Variants in CLK3 observed in about 807,000 individuals in gnomAD.
The protein encoded by CLK3 is CDC like kinase 3, also known as dual specificity protein kinase CLK3.
CLK3 carries 24 observed loss-of-function variants against 65.2 expected under a neutral mutation model. The ratio of observed to expected loss-of-function variants is 0.37; its 90% CI spans 0.27 to 0.52. CLK3 has a LOEUF of 0.52. Ranked by LOEUF, CLK3 falls within the 20% of genes least tolerant of loss-of-function variation. The pLI is 0.92. For synonymous variants in CLK3, 252 were observed against 240.8 expected (o/e 1.05, Z -0.43); for missense variants, 506 against 660.0 (o/e 0.77, Z 2.56).
intron 1 of CLK3, 73 bp downstream of exon 1, chr15:74,615,971 G>A (rs1486628117): frequency 1.4e-5 from 15 of 1,108,398 alleles, no homozygotes; most frequent in African/African-American, 1.6e-5. Context: ...GGGCAGGCGC[G>A]CTGGTGCCAT....
chr15:74,609,144 A>C (rs970813844), intron 1 of CLK3, among the ~76,000 whole-genome samples: 5 of 152,026 alleles, frequency 3.3e-5, no homozygotes, highest in Admixed American at 2.6e-4. Flanking sequence ...GGAGATCCCC[A>C]CCCCACCGAG....
chr15:74,627,848 G>C lies in CLK3; in HGVS notation c.1043-122G>C. The stretch of plus-strand genomic sequence containing the variant: ...TGGCTTTATCTGTCAGCCTTACTGA[G>C]AGAGGGCCTCGTACTGGGATTTGGG... On this transcript the variant is annotated intron_variant, in intron 9 of 12. Coordinates refer to ENST00000395066, the MANE Select transcript of CLK3 (RefSeq NM_001130028.2). This position sits in a 1 kb window ranked among gnomAD's most constrained non-coding sequence, Gnocchi z 4.3. The C allele has an allele frequency of 3.4e-6, 4 of 1,174,574 alleles. No homozygotes were observed. The highest frequency in any genetic ancestry group is 2.6e-5 in the South Asian group (2 of 75,608). 72.8% of individuals were successfully genotyped at this position (1,174,574 alleles called of 1,614,324 possible).
At chr15:74,616,072 G>A in intron 1 of CLK3, 174 bp downstream of exon 1, 1 of 489,736 alleles carries the variant, frequency 2.0e-6, no homozygotes, top group Non-Finnish European at 3.2e-6. Context: ...GCCCCGGAGG[G>A]CGGTCACTGC....
In CLK3 at chr15:74,628,606, C is replaced by G; in HGVS notation, c.1128C>G (p.Thr376=). 1 of 1,612,892 alleles carries G rather than the reference C, an allele frequency of 6.2e-7. No individual in the cohort carries two copies. The highest frequency in any genetic ancestry group is 1.1e-5 in the South Asian group (1 of 91,012). ...GCACTGTCCCTAATCTTCCACAGAC[C>G]CACGAAAACCGAGAGCACCTGGTGA... ...EYYRGFTLFQ[T]HENREHLVMM... Residue 376 remains threonine (T), a splice_region_variant and synonymous_variant, in exon 11 of 13, where the codon ACC becomes ACG. Transcript: ENST00000395066.
chr15:74,629,632 C>T (rs1172579998), intron 12 of CLK3, 75 bp from the exon 13 acceptor site: 7 of 1,345,586 alleles, frequency 5.2e-6, no homozygotes, highest in Non-Finnish European at 7.3e-6. Context: ...AGCAAGGCGT[C>T]CCAGAGGCAA....
Position 74,624,908 on chromosome 15 carries a change from G to C in CLK3, c.540G>C (p.Lys180Asn). The change falls in exon 6 of 13, where the codon AAG becomes AAC. Residue 180 changes from lysine (K) to asparagine (N), a missense_variant. Coordinates refer to ENST00000395066, the MANE Select transcript of CLK3 (RefSeq NM_001130028.2). The surrounding 1 kb of genome is among the most constrained non-coding windows in gnomAD (Gnocchi z 4.2). Reference sequence around the variant, plus strand: ...TTTCCTTCCCGGGTACCAGAGGGAAGTCTCAGGTTGCCCTGAAGATCATCC... The same window carrying C: ...TTTCCTTCCCGGGTACCAGAGGGAACTCTCAGGTTGCCCTGAAGATCATCC... ...VVECLDHARG[K>N]SQVALKIIRN... 1 of 1,603,804 alleles carries C rather than the reference G, an allele frequency of 6.2e-7. No individual in the cohort carries two copies. Among genetic ancestry groups the C allele is most frequent in the African/African-American group, 1.3e-5 (1 of 74,952 alleles).
At chr15:74,616,037 C>T (rs1567141480) in intron 1 of CLK3, 139 bp downstream of exon 1, 2 of 623,576 alleles carry the variant, frequency 3.2e-6, no homozygotes, top group African/African-American at 1.9e-5. Context: ...GGGCCGCGAC[C>T]TCTCACCCCT....
chr15:74,628,286 G>A (rs1440539644), intron 10 of CLK3, among the ~76,000 whole-genome samples: 2 of 151,322 alleles, frequency 1.3e-5, no homozygotes, highest in African/African-American at 4.9e-5. Flanking sequence ...TGGAGGATGG[G>A]GTAGGAGGTG....
rs1567143533 is a variant in CLK3 at position 74,622,398 on chromosome 15, CT to C, written c.467-90del. ...AAGAGTGTAGCAGTGAGAGAGAAAC[CT>C]TTTTTGTTTTTGAGAATTTGAATGC... On this transcript the variant is annotated intron_variant, in intron 4 of 12. Transcript: ENST00000395066. The surrounding 1 kb of genome is among the most constrained non-coding windows in gnomAD (Gnocchi z 4.6). 2 of 1,138,688 alleles carry C rather than the reference CT, an allele frequency of 1.8e-6. No homozygotes were observed. Among genetic ancestry groups the C allele is most frequent in the Non-Finnish European group, 1.3e-6 (1 of 779,916 alleles). 70.5% of individuals were successfully genotyped at this position (1,138,688 alleles called of 1,614,324 possible). A position where few individuals can be genotyped will look rare whatever the true frequency, so the allele number is the denominator to read the frequency against.
intron 1 of CLK3, 112 bp from the exon 2 acceptor site, chr15:74,619,085 C>T: frequency 2.2e-6 from 3 of 1,356,036 alleles, no homozygotes; most frequent in Non-Finnish European, 1.0e-6. Context: ...GAGGGGCCGC[C>T]TTCAAACAGA....
At chr15:74,620,284 T>C (rs1189419135) in intron 3 of CLK3, 59 bp downstream of exon 3, 1 of 1,599,556 alleles carries the variant, frequency 6.3e-7, no homozygotes, top group East Asian at 2.2e-5. Context: ...TTCCTAGCCT[T>C]CTCTCAGGCT....
rs987216921 is a variant in CLK3, at chr15:74,615,854, C to T, written c.-45C>T. On this transcript the variant is annotated 5_prime_UTR_variant, in exon 1 of 13. Transcript: ENST00000395066. ...CGCAGCCGGAAGCGGAAGAGGCGCT[C>T]GGAGCGGGGAGTGGGGCCTAGCTGC... The T allele has an allele frequency of 1.9e-5, 24 of 1,254,804 alleles. No homozygotes were observed. Among genetic ancestry groups the T allele is most frequent in the South Asian group, 3.2e-5 (1 of 30,984 alleles). 77.7% of individuals were successfully genotyped at this position (1,254,804 alleles called of 1,614,324 possible).
Position 74,620,317 on chromosome 15 carries a change from C to T in CLK3, c.369+92C>T, listed in dbSNP as rs1395034675. ...GCTGGCTGGTCCGGGTGAGTACTGC[C>T]AGCCCTGTGCACGTGCACTGGTGTG... On this transcript the variant is annotated intron_variant, in intron 3 of 12. Coordinates refer to ENST00000395066, the MANE Select transcript of CLK3 (RefSeq NM_001130028.2). The T allele has an allele frequency of 4.5e-5, 70 of 1,548,216 alleles. No homozygotes were observed. The East Asian group carries it at 1.5e-3, about 34-fold the overall frequency.
chr15:74,626,470 C>T lies in CLK3; in HGVS notation c.817+502C>T, dbSNP rs142031757. 1.7e-4 allele frequency among the ~76,000 whole-genome samples: 26 copies of T among 152,356 alleles called. No individual in the cohort carries two copies. The East Asian group carries it at 4.2e-3, about 25-fold the overall frequency. ...AAGGCTCCTTGGTGAAGTTGGTAGG[C>T]GTTGAGCTAGAATCGCTCAAGGTCA... On this transcript the variant is annotated intron_variant, in intron 7 of 12. Coordinates refer to ENST00000395066, the MANE Select transcript of CLK3 (RefSeq NM_001130028.2).
At position 74,628,600 on chromosome 15, in the gene CLK3, A is replaced by G. The variant is rs2062163200; in HGVS notation, c.1126-4A>G. Reference sequence around the variant, plus strand: ...CCCCTTGCACTGTCCCTAATCTTCCACAGACCCACGAAAACCGAGAGCACC... The same window carrying G: ...CCCCTTGCACTGTCCCTAATCTTCCGCAGACCCACGAAAACCGAGAGCACC... On this transcript the variant is annotated splice_polypyrimidine_tract_variant and splice_region_variant and intron_variant, in intron 10 of 12. Transcript: ENST00000395066. The G allele has an allele frequency of 6.2e-7, 1 of 1,612,248 alleles. No homozygotes were observed. The highest frequency in any genetic ancestry group is 8.5e-7 in the Non-Finnish European group (1 of 1,178,900).
In CLK3 at chr15:74,627,135, C is replaced by T; in HGVS notation, c.818-217C>T. On this transcript the variant is annotated intron_variant, in intron 7 of 12. Transcript: ENST00000395066. This position sits in a 1 kb window ranked among gnomAD's most constrained non-coding sequence, Gnocchi z 4.3. The stretch of plus-strand genomic sequence containing the variant: ...TTTCGAATGGCAAATTTCTTTCCTA[C>T]CCCCCTGCTAAAGTATCAGAACCCT... 3.0e-6 allele frequency: 2 copies of T among 658,690 alleles called. No individual in the cohort carries two copies. The highest frequency in any genetic ancestry group is 1.5e-5 in the South Asian group (1 of 68,272). 40.8% of individuals were successfully genotyped at this position (658,690 alleles called of 1,614,324 possible).
intron 3 of CLK3, chr15:74,620,725 C>G (rs1295298655): frequency 6.4e-6 from 1 of 155,758 alleles, no homozygotes; most frequent in Non-Finnish European, 1.4e-5. Context: ...CCTCACAGGA[C>G]CGGAGGATTT....
rs1223685841 is a variant in CLK3, at chr15:74,624,788, A to G, written c.534-114A>G. The G allele has an allele frequency of 1.3e-6, 1 of 747,750 alleles. No homozygotes were observed. Among genetic ancestry groups the G allele is most frequent in the Non-Finnish European group, 2.4e-6 (1 of 422,690 alleles). 46.3% of individuals were successfully genotyped at this position (747,750 alleles called of 1,614,324 possible). ...TGGGCATCCAGTATCTGCTCTCTTC[A>G]GTGCCGGCTGCTCCTGGAGTGGTGT... On this transcript the variant is annotated intron_variant, in intron 5 of 12. Transcript: ENST00000395066. This position sits in a 1 kb window ranked among gnomAD's most constrained non-coding sequence, Gnocchi z 4.2.
chr15:74,615,147 C>CG, upstream of CLK3: 1 of 342,862 alleles, frequency 2.9e-6, no homozygotes, highest in East Asian at 4.3e-5. Context: ...TTTTGTCTAG[C>CG]GGGGGAGTCT....
Sources: gnomAD v4.1 joint callset for allele counts (sites outside exome capture counted in the v4.1 genomes callset) on GRCh38, gnomAD v4.1.1 for gene constraint, Gnocchi (gnomAD v3.1) non-coding constraint, MANE v1.5 for transcripts, NCBI Gene and HGNC (gene_info 2026-07-23, HGNC 2026-07-21) for gene names.